The following XAF1 variants were observed in gnomAD, a reference collection of about 807,000 sequenced individuals.
XAF1 encodes XIAP-associated factor 1.
A neutral mutation model predicts 32.3 loss-of-function variants in XAF1; 32 were observed. That is an observed-to-expected ratio of 0.99 (90% CI 0.75 to 1.33). XAF1 has a LOEUF of 1.33. XAF1 is among the 40% of genes most tolerant of loss of function. The pLI is 0.00. For missense variants in XAF1, 379 were observed against 366.0 expected, an observed-to-expected ratio of 1.04 and a Z score of -0.29; for synonymous variants, 120 against 125.9, an observed-to-expected ratio of 0.95 and a Z score of 0.31.
chr17:6,760,552 C>T lies in XAF1; in HGVS notation c.372C>T (p.Leu124=), dbSNP rs1417651470. The change falls in exon 4 of 7, where the codon CTC becomes CTT. Residue 124 remains leucine (L), a synonymous_variant. Transcript: ENST00000361842. ...GCGQFIMHRM[L]AQHRDVCRSE... ...GCCAGTTCATCATGCACCGCATGCT[C>T]GCCCAGCACAGAGATGTCTGTCGCA... 4.3e-6 allele frequency: 7 copies of T among 1,613,394 alleles called. No homozygotes were observed. Among genetic ancestry groups the T allele is most frequent in the Admixed American group, 1.7e-5 (1 of 59,992 alleles).
intron 3 of XAF1, 115 bp downstream of exon 3, chr17:6,759,833 C>G: frequency 6.4e-7 from 1 of 1,565,330 alleles, no homozygotes. Context: ...CTCTTTTCAC[C>G]CCATTAGGCT....
At chr17:6,772,349 A>G (rs1210022947) in intron 6 of XAF1, among the ~76,000 whole-genome samples, 1 of 151,944 alleles carries the variant, frequency 6.6e-6, no homozygotes, top group Non-Finnish European at 1.5e-5. Flanking sequence ...TTTAACCAGG[A>G]CACCCTGTAT....
chr17:6,755,621 T>G, upstream of XAF1: 1 of 1,013,060 alleles, frequency 9.9e-7, no homozygotes, highest in South Asian at 4.1e-5. Context: ...CCAGGAGCCA[T>G]TTTTAGGGAA....
At chr17:6,756,992 CTT>C (rs35781742) in intron 1 of XAF1, among the ~76,000 whole-genome samples, 26,829 of 134,570 alleles carry the variant, frequency 0.2, 2,786 homozygotes, top group South Asian at 0.33. Flanking sequence ...CTTTCTTCTT[CTT>C]TTTTTTTTTT....
chr17:6,759,023 G>A (rs1974960245), intron 2 of XAF1: 1 of 504,128 alleles, frequency 2.0e-6, no homozygotes, highest in Non-Finnish European at 2.8e-6. Context: ...GGGTCTGGGA[G>A]TCAGGGAATG....
At chr17:6,757,153 C>T (rs544131268) in intron 1 of XAF1, among the ~76,000 whole-genome samples, 39 of 152,272 alleles carry the variant, frequency 2.6e-4, no homozygotes, top group African/African-American at 7.9e-4. Context: ...AGGCGTGCAC[C>T]GCCATGCCCG....
Position 6,759,710 on chromosome 17 carries a change from T to G in XAF1, c.217T>G (p.Phe73Val). ...QQSMQKSSLE[F>V]HKANECQERP... ...GAGCATGCAGAAGTCCTCGCTGGAG[T>G]TTCATAAGGTAAGAGCCCCATGTGA... The change falls in exon 3 of 7, where the codon TTT becomes GTT. Residue 73 changes from phenylalanine (F) to valine (V), a missense_variant. By Grantham distance (50) the Phe-to-Val change is conservative (BLOSUM62 -1). Transcript: ENST00000361842. The G allele has an allele frequency of 6.2e-7, 1 of 1,613,634 alleles. No homozygotes were observed. The highest frequency in any genetic ancestry group is 8.5e-7 in the Non-Finnish European group (1 of 1,179,956).
At chr17:6,765,320 G>A (rs1975523161) in intron 5 of XAF1, among the ~76,000 whole-genome samples, 1 of 152,154 alleles carries the variant, frequency 6.6e-6, no homozygotes, top group African/African-American at 2.4e-5. Context: ...GGCTGAGGCA[G>A]GAGAATGGCG....
chr17:6,759,638 G>A (rs760561381), intron 2 of XAF1, 24 bp from the exon 3 acceptor site: 5 of 1,603,154 alleles, frequency 3.1e-6, no homozygotes, highest in Admixed American at 1.7e-5. Flanking sequence ...TGGTGTGTGT[G>A]TGTGTGTGTG....
In XAF1 at chr17:6,760,518, A is replaced by C. The variant is rs912392634; in HGVS notation, c.338A>C (p.Gln113Pro). ...TGTGGCAGCCGGACAGAGCTCTGCC[A>C]AGGCTGTGGCCAGTTCATCATGCAC... is the stretch of plus-strand genomic sequence containing the variant. ...SYCGSRTELC[Q>P]GCGQFIMHRM... The change falls in exon 4 of 7, where the codon CAA becomes CCA. Residue 113 changes from glutamine to proline, a missense_variant. Coordinates refer to ENST00000361842, the MANE Select transcript of XAF1 (RefSeq NM_017523.5). 9 of 1,613,590 alleles carry C rather than the reference A, an allele frequency of 5.6e-6. No individual in the cohort carries two copies. Among genetic ancestry groups the C allele is most frequent in the Non-Finnish European group, 7.6e-6 (9 of 1,179,938 alleles).
chr17:6,767,953 T>G (rs972531277), intron 5 of XAF1, among the ~76,000 whole-genome samples: 1 of 152,194 alleles, frequency 6.6e-6, no homozygotes, highest in East Asian at 1.9e-4. Flanking sequence ...AAATAGTATA[T>G]AGATTTGAGA....
intron 6 of XAF1, among the ~76,000 whole-genome samples, chr17:6,772,465 C>CTTTTTTTT (rs71383425): frequency 2.3e-4 from 22 of 94,178 alleles, no homozygotes; most frequent in Non-Finnish European, 3.4e-4. Context: ...AAGCTGCCAT[C>CTTTTTTTT]TTTTTTTTTT....
At chr17:6,758,668 C>A in intron 2 of XAF1, 1 of 321,624 alleles carries the variant, frequency 3.1e-6, no homozygotes, top group Non-Finnish European at 6.1e-6. Flanking sequence ...ATCTTCCCTG[C>A]AGGAGAGATG....
upstream of XAF1, chr17:6,755,973 TCTC>T: frequency 1.9e-6 from 3 of 1,598,524 alleles, no homozygotes; most frequent in African/African-American, 1.3e-5. Context: ...ATTCTGAAGA[TCTC>T]CTCCCTCCCT....
chr17:6,762,149 A>T lies in XAF1; in HGVS notation c.422-6A>T. ...CATTTGTGGTGTTGTTTCTCTGCTT[A>T]TTCAGGGGAAAGAATTTCAGCTCCT... On this transcript the variant is annotated splice_region_variant and splice_polypyrimidine_tract_variant and intron_variant, in intron 4 of 6. Transcript: ENST00000361842. 1 of 1,612,866 alleles carries T rather than the reference A, an allele frequency of 6.2e-7. No individual in the cohort carries two copies. The highest frequency in any genetic ancestry group is 8.5e-7 in the Non-Finnish European group (1 of 1,179,438).
intron 1 of XAF1, among the ~76,000 whole-genome samples, chr17:6,756,430 TG>T (rs1974663273): frequency 6.6e-6 from 1 of 151,962 alleles, no homozygotes; most frequent in African/African-American, 2.4e-5. Context: ...GGTCCTAATT[TG>T]GGGTTCTGAT....
rs758352746 is a variant in XAF1, at chr17:6,756,096, G to T, written c.18G>T (p.Ser6=). ...AGCAGAACATGGAAGGAGACTTCTCGGTGTGCAGGAACTGGTAAGAAAGTG... is the reference window on the plus strand; with the variant it reads ...AGCAGAACATGGAAGGAGACTTCTCTGTGTGCAGGAACTGGTAAGAAAGTG... MEGDF[S]VCRNCKRHVV... Residue 6 remains serine, a synonymous_variant, in exon 1 of 7, where the codon TCG becomes TCT. Transcript: ENST00000361842. 2 of 1,613,986 alleles carry T rather than the reference G, an allele frequency of 1.2e-6. No homozygotes were observed. Among genetic ancestry groups the T allele is most frequent in the South Asian group, 2.2e-5 (2 of 91,038 alleles).
At chr17:6,759,977 C>G in intron 3 of XAF1, 1 of 607,646 alleles carries the variant, frequency 1.6e-6, no homozygotes, top group African/African-American at 1.8e-5. Flanking sequence ...GCACTCTGGC[C>G]CTTCTCATCT....
chr17:6,771,715 C>T (rs1018952026), intron 6 of XAF1: 2 of 152,056 alleles, frequency 1.3e-5, no homozygotes, highest in African/African-American at 4.8e-5. Context: ...CTCTTAAGCT[C>T]CAGATTAAAT....
Sources: allele counts gnomAD v4.1 joint callset (sites outside exome capture counted in the v4.1 genomes callset), GRCh38; gene constraint gnomAD v4.1.1; transcripts MANE v1.5; gene names NCBI Gene and HGNC (gene_info 2026-07-23, HGNC 2026-07-21).